The following ALG14 variants were observed in gnomAD, a reference collection of about 807,000 sequenced individuals.
ALG14 encodes the protein ALG14 UDP-N-acetylglucosaminyltransferase subunit, also known as UDP-N-acetylglucosamine transferase subunit ALG14.
Under a neutral mutation model 22.8 loss-of-function variants are expected in ALG14, and 17 were observed. The ratio of observed to expected loss-of-function variants is 0.75; its 90% CI spans 0.51 to 1.12. ALG14 has a LOEUF of 1.12. Ranked by LOEUF, ALG14 falls within the 50% of genes most tolerant of loss-of-function variation. The pLI is 0.00. For synonymous variants in ALG14, 89 were observed against 103.7 expected (o/e 0.86, Z 0.86); for missense variants, 288 against 271.8 (o/e 1.06, Z -0.42).
chr1:95,002,249 G>T (rs887117107), intron 3 of ALG14, among the ~76,000 whole-genome samples: 1 of 152,084 alleles, frequency 6.6e-6, no homozygotes, highest in Non-Finnish European at 1.5e-5. Context: ...GTACCTGGGG[G>T]GGGGAACCTG....
intron 3 of ALG14, among the ~76,000 whole-genome samples, chr1:95,001,349 G>A (rs963080543): frequency 2.0e-5 from 3 of 152,212 alleles, no homozygotes; most frequent in Admixed American, 1.3e-4. Flanking sequence ...CCCGACTGGT[G>A]TGCTGGATAG....
rs151108791 is a variant in ALG14 at position 94,981,334 on chromosome 1, T to G, written c.*1742A>C. 1.3e-5 allele frequency: 2 copies of G among 152,118 alleles called. No individual in the cohort carries two copies. The highest frequency in any genetic ancestry group is 4.8e-5 in the African/African-American group (2 of 41,432). 9.4% of individuals were successfully genotyped at this position (152,118 alleles called of 1,614,324 possible). ...GGCCCACTAAATCCAGACAGCAAAGTGTTCTCACCATTCTGAGACACCTTC... is the reference window on the plus strand; with the variant it reads ...GGCCCACTAAATCCAGACAGCAAAGGGTTCTCACCATTCTGAGACACCTTC... On this transcript the variant is annotated 3_prime_UTR_variant, in exon 4 of 4. Coordinates refer to ENST00000370205, the MANE Select transcript of ALG14 (RefSeq NM_144988.4).
At chr1:95,005,019 C>T (rs1673178883) in intron 3 of ALG14, among the ~76,000 whole-genome samples, 1 of 152,060 alleles carries the variant, frequency 6.6e-6, no homozygotes, top group African/African-American at 2.4e-5. Flanking sequence ...TTGGCAGGAA[C>T]TCTCCATCTA....
chr1:95,006,832 T>A (rs1202046634), intron 3 of ALG14, among the ~76,000 whole-genome samples: 1 of 152,248 alleles, frequency 6.6e-6, no homozygotes, highest in Non-Finnish European at 1.5e-5. Context: ...TTCTGGTTAA[T>A]CTCCTCTTCT....
chr1:95,064,763 C>G, intron 2 of ALG14, 103 bp downstream of exon 2: 1 of 974,582 alleles, frequency 1.0e-6, no homozygotes, highest in Non-Finnish European at 1.5e-6. Flanking sequence ...CATTTGACTG[C>G]CCATTGTGGG....
At chr1:94,990,538 G>T (rs549576495) in intron 3 of ALG14, among the ~76,000 whole-genome samples, 3 of 152,280 alleles carry the variant, frequency 2.0e-5, no homozygotes, top group Admixed American at 2.0e-4. Context: ...TCATCATTGT[G>T]TATACAGCAT....
intron 3 of ALG14, among the ~76,000 whole-genome samples, chr1:95,005,344 T>G (rs1185633593): frequency 6.6e-6 from 1 of 151,920 alleles, no homozygotes; most frequent in Non-Finnish European, 1.5e-5. Flanking sequence ...CAGGTGAACA[T>G]GAAAAGGGAG....
At chr1:95,032,373 T>C (rs1674037385) in intron 2 of ALG14, among the ~76,000 whole-genome samples, 1 of 152,086 alleles carries the variant, frequency 6.6e-6, no homozygotes, top group Non-Finnish European at 1.5e-5. Flanking sequence ...ATGGAATTCA[T>C]GAAGCTAGAG....
intron 2 of ALG14, among the ~76,000 whole-genome samples, chr1:95,063,005 G>T (rs149471337): frequency 2.0e-5 from 3 of 152,312 alleles, no homozygotes; most frequent in African/African-American, 7.2e-5. Context: ...AGTGGTGTGA[G>T]ATGGTATCTC....
At chr1:95,013,496 T>G (rs189479060) in intron 3 of ALG14, among the ~76,000 whole-genome samples, 48 of 152,164 alleles carry the variant, frequency 3.2e-4, no homozygotes, top group Middle Eastern at 3.4e-3. Flanking sequence ...ATTTTTTGTA[T>G]TTTTAGTAGA....
chr1:95,018,258 A>C (rs754179941), intron 3 of ALG14, among the ~76,000 whole-genome samples: 4 of 152,144 alleles, frequency 2.6e-5, no homozygotes, highest in Non-Finnish European at 5.9e-5. Context: ...TGAGGTGGCC[A>C]GGCGCGGTGG....
intron 3 of ALG14, among the ~76,000 whole-genome samples, chr1:95,024,267 G>A (rs569242970): frequency 2.2e-4 from 34 of 152,238 alleles, no homozygotes; most frequent in African/African-American, 7.0e-4. Context: ...ATGAGCGACC[G>A]CGCCCGGCCT....
At chr1:95,065,848 T>A (rs1675341939) in intron 1 of ALG14, among the ~76,000 whole-genome samples, 1 of 152,238 alleles carries the variant, frequency 6.6e-6, no homozygotes, top group Admixed American at 6.5e-5. Flanking sequence ...ATACATTAAT[T>A]TTGAAAGCAT....
intron 3 of ALG14, among the ~76,000 whole-genome samples, chr1:94,998,517 A>G (rs145480362): frequency 6.6e-5 from 10 of 152,372 alleles, no homozygotes; most frequent in Non-Finnish European, 1.2e-4. Context: ...TAAAATTCTA[A>G]TAACTACCAC....
chr1:94,987,063 T>G (rs749974263), intron 3 of ALG14, among the ~76,000 whole-genome samples: 2 of 152,178 alleles, frequency 1.3e-5, no homozygotes, highest in Non-Finnish European at 2.9e-5. Flanking sequence ...CTGAGGAGGA[T>G]GTGGCCTTGG....
intron 2 of ALG14, among the ~76,000 whole-genome samples, chr1:95,057,348 T>C (rs927128661): frequency 1.3e-5 from 2 of 151,714 alleles, no homozygotes; most frequent in Admixed American, 1.3e-4. Flanking sequence ...GATAACTGTA[T>C]CTGTACTGGA....
rs1420300340 is a variant in ALG14, at chr1:94,982,268, G to A, written c.*808C>T. ...AGCCTCCCGAGTAGCTGGGATTACA[G>A]GCATGTGCCACCACGCCTGACTAAT... On this transcript the variant is annotated 3_prime_UTR_variant, in exon 4 of 4. Transcript: ENST00000370205. 6.6e-6 allele frequency: 1 copy of A among 152,104 alleles called. No individual in the cohort carries two copies. The allele number at this position is 152,104 out of a possible 1,614,324, so 9.4% of individuals were successfully genotyped here. A position where few individuals can be genotyped will look rare whatever the true frequency, so the allele number is the denominator to read the frequency against.
chr1:95,005,346 A>C (rs1308336675), intron 3 of ALG14, among the ~76,000 whole-genome samples: 2 of 152,192 alleles, frequency 1.3e-5, no homozygotes, highest in Admixed American at 1.3e-4. Flanking sequence ...GGTGAACATG[A>C]AAAGGGAGGC....
chr1:95,058,317 A>G (rs1045392917), intron 2 of ALG14, among the ~76,000 whole-genome samples: 1 of 137,030 alleles, frequency 7.3e-6, no homozygotes, highest in Non-Finnish European at 1.6e-5. Flanking sequence ...AAAAAAAGAT[A>G]TTTTCAGAGA....
Sources: gnomAD v4.1 joint callset for allele counts (sites outside exome capture counted in the v4.1 genomes callset) on GRCh38, gnomAD v4.1.1 for gene constraint, MANE v1.5 for transcripts, NCBI Gene and HGNC (gene_info 2026-07-23, HGNC 2026-07-21) for gene names.